Variants in RGS6 observed in about 807,000 individuals in gnomAD.
RGS6 encodes regulator of G protein signaling 6, also known as regulator of G-protein signaling 6.
In RGS6, 30 loss-of-function variants were observed where a neutral mutation model predicts 78.5. The observed-to-expected ratio is 0.38, with a 90% CI of 0.29 to 0.52. RGS6 has a LOEUF of 0.52. Ranked by LOEUF, RGS6 falls within the 20% of genes least tolerant of loss-of-function variation. RGS6 has a pLI of 0.85. For missense variants in RGS6, 495 were observed against 609.7 expected (o/e 0.81, Z 1.98); for synonymous variants, 206 against 206.0 (o/e 1.00, Z 0.00).
chr14:71,875,647 A>G, the RGS6 span, among the ~76,000 whole-genome samples: 1 of 152,138 alleles, frequency 6.6e-6, no homozygotes, highest in South Asian at 2.1e-4. Flanking sequence ...TATCTCCTTC[A>G]GTTCTGCTCT....
chr14:72,300,458 A>G (rs2065820135), intron 2 of RGS6, among the ~76,000 whole-genome samples: 1 of 152,234 alleles, frequency 6.6e-6, no homozygotes, highest in Non-Finnish European at 1.5e-5. Flanking sequence ...TGATTATTCC[A>G]GTATAGCAAA....
At chr14:71,915,754 G>C in the RGS6 span, among the ~76,000 whole-genome samples, 76,213 of 151,988 alleles carry the variant, frequency 0.5, 19,348 homozygotes, top group Admixed American at 0.56. Context: ...ATTGAAGCTT[G>C]AACCCCTAGT....
At chr14:72,346,727 C>G (rs1566584053) in intron 2 of RGS6, among the ~76,000 whole-genome samples, 1 of 152,176 alleles carries the variant, frequency 6.6e-6, no homozygotes, top group Admixed American at 6.5e-5. Flanking sequence ...TGTCCCAGGT[C>G]AACACAGCAT....
intron 2 of RGS6, among the ~76,000 whole-genome samples, chr14:72,306,381 A>G (rs1455320344): frequency 6.6e-6 from 1 of 152,202 alleles, no homozygotes; most frequent in East Asian, 1.9e-4. Context: ...ATAGCCCTGG[A>G]GCAAAGAGTA....
At chr14:72,540,596 A>G (rs771506821) in intron 17 of RGS6, 159 of 1,495,098 alleles carry the variant, frequency 1.1e-4, no homozygotes, top group Non-Finnish European at 1.2e-4. Context: ...TGTGTGCAGA[A>G]AGCGGCCGTG....
At chr14:71,888,426 A>G in the RGS6 span, among the ~76,000 whole-genome samples, 1 of 151,636 alleles carries the variant, frequency 6.6e-6, no homozygotes, top group Non-Finnish European at 1.5e-5. Context: ...CTCAAAAAAA[A>G]AAAAAAAGAA....
At chr14:72,152,191 T>C (rs1462689098) in intron 2 of RGS6, among the ~76,000 whole-genome samples, 4 of 151,714 alleles carry the variant, frequency 2.6e-5, no homozygotes, top group Non-Finnish European at 4.4e-5. Flanking sequence ...GATAAGGTAG[T>C]GTTCTTCAGA....
At chr14:72,575,940 G>T in the RGS6 span, among the ~76,000 whole-genome samples, 9 of 152,318 alleles carry the variant, frequency 5.9e-5, 1 homozygote, top group East Asian at 1.5e-3. Context: ...TTCCTAAACT[G>T]CTCCAAGAAT....
the RGS6 span, among the ~76,000 whole-genome samples, chr14:72,575,282 C>A: frequency 1.3e-5 from 2 of 152,048 alleles, no homozygotes; most frequent in African/African-American, 4.8e-5. Context: ...AGGGCCCTGG[C>A]AACCAGGGAT....
At chr14:72,208,672 C>T (rs1345779174) in intron 2 of RGS6, among the ~76,000 whole-genome samples, 2 of 152,112 alleles carry the variant, frequency 1.3e-5, no homozygotes, top group African/African-American at 2.4e-5. Flanking sequence ...TCAGAGGCTA[C>T]CTTGACTATT....
chr14:72,493,630 C>T lies in RGS6; in HGVS notation c.855-1522C>T, dbSNP rs886479008. On this transcript the variant is annotated intron_variant, in intron 12 of 17. Coordinates refer to ENST00000553525, the MANE Select transcript of RGS6 (RefSeq NM_001204424.2). The stretch of plus-strand genomic sequence containing the variant: ...TGCCCAGCATAGTAAATAACAACAA[C>T]CAGCAAGGGCCATCATGAAATTGCA... 2.6e-5 allele frequency among the ~76,000 whole-genome samples: 4 copies of T among 152,170 alleles called. No individual in the cohort carries two copies. The East Asian group carries it at 5.8e-4, about 22-fold the overall frequency.
In RGS6 at chr14:72,270,031, C is replaced by T. The variant is rs535010629; in HGVS notation, c.85-82064C>T. 1.7e-4 allele frequency among the ~76,000 whole-genome samples: 26 copies of T among 152,308 alleles called. 2 individuals are homozygous for T. The highest frequency in any genetic ancestry group is 6.8e-3 in the Middle Eastern group (2 of 294). ...AAAAGCTAGAATTTGTAGCAGCGTA[C>T]AACACATGCCAATAAAACTTGCAAC... is the stretch of plus-strand genomic sequence containing the variant. On this transcript the variant is annotated intron_variant, in intron 2 of 17. Coordinates refer to ENST00000553525, the MANE Select transcript of RGS6 (RefSeq NM_001204424.2).
At chr14:72,345,940 T>C (rs1401220108) in intron 2 of RGS6, among the ~76,000 whole-genome samples, 2 of 152,216 alleles carry the variant, frequency 1.3e-5, no homozygotes, top group East Asian at 1.9e-4. Flanking sequence ...TTAAGAAATA[T>C]GATTATCATT....
chr14:72,331,137 G>A (rs1341262812), intron 2 of RGS6, among the ~76,000 whole-genome samples: 1 of 152,026 alleles, frequency 6.6e-6, no homozygotes, highest in Non-Finnish European at 1.5e-5. Flanking sequence ...GGCCAAAAGT[G>A]GAGGTCAGGA....
chr14:72,592,172 T>C, the RGS6 span, among the ~76,000 whole-genome samples: 2 of 152,060 alleles, frequency 1.3e-5, no homozygotes, highest in African/African-American at 4.8e-5. Context: ...TGAGATCCTC[T>C]GAAAATGCTA....
intron 2 of RGS6, among the ~76,000 whole-genome samples, chr14:72,150,824 G>A (rs949868658): frequency 6.6e-6 from 1 of 152,030 alleles, no homozygotes; most frequent in Non-Finnish European, 1.5e-5. Context: ...TCAACCTTGG[G>A]GATTACAATT....
intron 2 of RGS6, among the ~76,000 whole-genome samples, chr14:72,166,044 C>A (rs1175919115): frequency 1.3e-5 from 2 of 151,046 alleles, no homozygotes; most frequent in Non-Finnish European, 2.9e-5. Flanking sequence ...TAAAATTTAT[C>A]TTTCCTATGC....
intron 3 of RGS6, among the ~76,000 whole-genome samples, chr14:72,430,866 G>T (rs1476818119): frequency 6.6e-6 from 1 of 152,112 alleles, no homozygotes; most frequent in African/African-American, 2.4e-5. Flanking sequence ...CAGAACAGCT[G>T]GTGTCTGTGG....
chr14:72,031,339 C>T (rs1041921710), intron 2 of RGS6, among the ~76,000 whole-genome samples: 2 of 152,042 alleles, frequency 1.3e-5, no homozygotes, highest in South Asian at 2.1e-4. Context: ...TTTGTATGGA[C>T]TGTTAGGCTT....
Sources: gnomAD v4.1 joint callset for allele counts (sites outside exome capture counted in the v4.1 genomes callset) on GRCh38, gnomAD v4.1.1 for gene constraint, MANE v1.5 for transcripts, NCBI Gene and HGNC (gene_info 2026-07-23, HGNC 2026-07-21) for gene names.